The following LCE1C variants were observed in gnomAD, a reference collection of about 807,000 sequenced individuals.
LCE1C encodes the protein late cornified envelope protein 1C.
Under a neutral mutation model 0.7 loss-of-function variants are expected in LCE1C, and 1 was observed. That is an observed-to-expected ratio of 1.44 (90% CI 0.51 to 6.83). The LOEUF (loss-of-function observed/expected upper bound fraction) is 6.83. LCE1C is among the 30% of genes most tolerant of loss of function. LCE1C has a pLI of 0.14. For missense variants in LCE1C, 136 were observed against 149.6 expected (o/e 0.91, Z 0.48); for synonymous variants, 72 against 57.9 (o/e 1.24, Z -1.10).
chr1:152,805,166 AG>A lies in LCE1C; in HGVS notation c.312del (p.Cys105AlafsTer42). 1.2e-6 allele frequency: 2 copies of A among 1,612,462 alleles called. No individual in the cohort carries two copies. The highest frequency in any genetic ancestry group is 1.7e-6 in the Non-Finnish European group (2 of 1,179,192). Reference sequence around the variant, plus strand: ...TGCTGGCCACTCCCCCCGCCACAGCAGCTGGAGCCCCCCGAGGGCTGGCTGC... The same window carrying A: ...TGCTGGCCACTCCCCCCGCCACAGCACTGGAGCCCCCCGAGGGCTGGCTGC... ...GCCSQPSGGS[S>X]CCGGGSGQHS... is the part of the protein sequence containing the mutation. On this transcript the variant is annotated frameshift_variant, in exon 2 of 2. Transcript: ENST00000607093. LOFTEE classifies it high-confidence loss of function.
intron 1 of LCE1C, among the ~76,000 whole-genome samples, chr1:152,806,180 A>G (rs1009848011): frequency 1.3e-5 from 2 of 152,194 alleles, no homozygotes; most frequent in African/African-American, 2.4e-5. Flanking sequence ...CTCAATTCCA[A>G]TTTGAATCTA....
At position 152,804,867 on chromosome 1, in the gene LCE1C, C is replaced by T. The variant is rs1652281459; in HGVS notation, c.*255G>A. 2 of 503,338 alleles carry T rather than the reference C, an allele frequency of 4.0e-6. No individual in the cohort carries two copies. The highest frequency in any genetic ancestry group is 3.6e-5 in the Admixed American group (1 of 27,942). 31.2% of individuals were successfully genotyped at this position (503,338 alleles called of 1,614,324 possible). On this transcript the variant is annotated 3_prime_UTR_variant, in exon 2 of 2. Coordinates refer to ENST00000607093, the MANE Select transcript of LCE1C (RefSeq NM_178351.4). ...TAGTCCTTTAATCAGCAGATGCACG[C>T]TGCAAATGACATTGAGTAAGCTAGG...
In LCE1C at chr1:152,805,082, T is replaced by C. The variant is rs1272401605; in HGVS notation, c.*40A>G. On this transcript the variant is annotated 3_prime_UTR_variant, in exon 2 of 2. Transcript: ENST00000607093. ...GAGAAGGGGGATGTCCTTGGCAGTT[T>C]GCGGTCCTGGATTCTGCTCTTCTAG... 1.9e-6 allele frequency: 3 copies of C among 1,540,802 alleles called. No individual in the cohort carries two copies. In the South Asian group the frequency reaches 3.9e-5, roughly 20 times the overall value.
chr1:152,805,175 C>G lies in LCE1C; in HGVS notation c.304G>C (p.Gly102Arg). The G allele has an allele frequency of 6.2e-7, 1 of 1,613,124 alleles. No individual in the cohort carries two copies. The highest frequency in any genetic ancestry group is 8.5e-7 in the Non-Finnish European group (1 of 1,179,616). ...CTCCCCCCGCCACAGCAGCTGGAGC[C>G]CCCCGAGGGCTGGCTGCAGCAGCCA... ...SSGCCSQPSG[G>R]SSCCGGGSGQ... The change falls in exon 2 of 2, where the codon GGC becomes CGC. Residue 102 changes from glycine (G) to arginine (R), a missense_variant. Physicochemically the swap from Gly to Arg is moderately radical, Grantham distance 125. Coordinates refer to ENST00000607093, the MANE Select transcript of LCE1C (RefSeq NM_178351.4).
In LCE1C at chr1:152,805,110, T is replaced by C; in HGVS notation, c.*12A>G. On this transcript the variant is annotated 3_prime_UTR_variant, in exon 2 of 2. Transcript: ENST00000607093. Reference sequence around the variant, plus strand: ...GGTCCTGGATTCTGCTCTTCTAGGCTCAGGGTCCACTTCAGCAGCAGCCTC... The same window carrying C: ...GGTCCTGGATTCTGCTCTTCTAGGCCCAGGGTCCACTTCAGCAGCAGCCTC... 6.3e-7 allele frequency: 1 copy of C among 1,580,066 alleles called. No homozygotes were observed. The highest frequency in any genetic ancestry group is 8.6e-7 in the Non-Finnish European group (1 of 1,163,990).
chr1:152,806,506 T>A (rs1327492551), intron 1 of LCE1C, 95 bp downstream of exon 1: 1 of 152,316 alleles, frequency 6.6e-6, no homozygotes, highest in African/African-American at 2.4e-5. Flanking sequence ...TCCAGATGGA[T>A]CTCAGCCCTC....
At chr1:152,805,555 T>A (rs1652318423) in intron 1 of LCE1C, 57 bp from the exon 2 acceptor site, 1 of 1,246,658 alleles carries the variant, frequency 8.0e-7, no homozygotes, top group Non-Finnish European at 1.2e-6. Flanking sequence ...CTGCCTATTC[T>A]TGTCCTTTCC....
At chr1:152,805,607 G>T in intron 1 of LCE1C, 109 bp from the exon 2 acceptor site, 1 of 862,342 alleles carries the variant, frequency 1.2e-6, no homozygotes, top group Non-Finnish European at 1.8e-6. Flanking sequence ...CTGTTCAAAT[G>T]TCATGGTAAA....
Position 152,805,284 on chromosome 1 carries a change from C to T in LCE1C, c.195G>A (p.Gly65=). The change falls in exon 2 of 2, where the codon GGG becomes GGA. Residue 65 remains glycine (G), a synonymous_variant. Transcript: ENST00000607093. ...SSGGSCGSSS[G]GCCSSGGGGC... The stretch of plus-strand genomic sequence containing the variant: ...CACCTCCCCCAGAACTGCAGCATCC[C>T]CCAGAGCTGGAGCCACAGCTGCCCC... The T allele has an allele frequency of 6.2e-7, 1 of 1,614,028 alleles. No individual in the cohort carries two copies. Among genetic ancestry groups the T allele is most frequent in the Non-Finnish European group, 8.5e-7 (1 of 1,179,996 alleles).
Position 152,805,022 on chromosome 1 carries a change from C to G in LCE1C, c.*100G>C. The G allele has an allele frequency of 2.8e-6, 4 of 1,408,384 alleles. No homozygotes were observed. The highest frequency in any genetic ancestry group is 3.9e-6 in the Non-Finnish European group (4 of 1,036,460). 87.2% of individuals were successfully genotyped at this position (1,408,384 alleles called of 1,614,324 possible). ...GCTCTTGGCAAGTTCAGAGCTTTCC[C>G]TTGGACCTGTGAGCCTCTCAGGCAG... On this transcript the variant is annotated 3_prime_UTR_variant, in exon 2 of 2. Coordinates refer to ENST00000607093, the MANE Select transcript of LCE1C (RefSeq NM_178351.4).
Sources: gnomAD v4.1 joint callset for allele counts (sites outside exome capture counted in the v4.1 genomes callset) on GRCh38, gnomAD v4.1.1 for gene constraint, MANE v1.5 for transcripts, NCBI Gene and HGNC (gene_info 2026-07-23, HGNC 2026-07-21) for gene names.